The following ORC3 variants were observed in gnomAD, a reference collection of about 807,000 sequenced individuals.
ORC3 encodes the protein origin recognition complex subunit 3.
In ORC3, 78 loss-of-function variants were observed where a neutral mutation model predicts 100.7. The ratio of observed to expected loss-of-function variants is 0.77; its 90% CI spans 0.65 to 0.94. The LOEUF (loss-of-function observed/expected upper bound fraction) is 0.94. ORC3 is among the 40% of genes least tolerant of loss of function. ORC3 has a pLI of 0.00. For synonymous variants in ORC3, 295 were observed against 289.3 expected, an observed-to-expected ratio of 1.02 and a Z score of -0.20; for missense variants, 789 against 823.9, an observed-to-expected ratio of 0.96 and a Z score of 0.52.
At chr6:87,625,160 G>A (rs1779805436) in intron 11 of ORC3, among the ~76,000 whole-genome samples, 1 of 152,168 alleles carries the variant, frequency 6.6e-6, no homozygotes, top group East Asian at 1.9e-4. Context: ...AAACACACGT[G>A]TGCATGTGTC....
intron 1 of ORC3, among the ~76,000 whole-genome samples, chr6:87,592,707 C>G (rs1305306617): frequency 1.3e-5 from 2 of 152,194 alleles, no homozygotes; most frequent in Non-Finnish European, 2.9e-5. Flanking sequence ...TATAGTTGCA[C>G]AGCGGTCTTT....
intron 15 of ORC3, 31 bp from the exon 16 acceptor site, chr6:87,657,890 C>A: frequency 1.6e-6 from 2 of 1,221,090 alleles, no homozygotes; most frequent in Non-Finnish European, 2.4e-6. Context: ...GTCTGAGGAT[C>A]ACCAGAAAAG....
intron 6 of ORC3, among the ~76,000 whole-genome samples, 200 bp from the exon 7 acceptor site, chr6:87,608,896 C>T (rs1490408184): frequency 6.8e-6 from 1 of 147,716 alleles, no homozygotes; most frequent in South Asian, 2.2e-4. Flanking sequence ...TTTTACTGAA[C>T]CTTTTTCTTC....
At chr6:87,628,185 C>T (rs894722985) in intron 11 of ORC3, among the ~76,000 whole-genome samples, 8 of 152,094 alleles carry the variant, frequency 5.3e-5, no homozygotes, top group Admixed American at 3.3e-4. Flanking sequence ...GAGCACAGGT[C>T]GGAGGGAGAG....
intron 11 of ORC3, among the ~76,000 whole-genome samples, chr6:87,632,343 T>C (rs147694353): frequency 7.2e-4 from 109 of 152,376 alleles, no homozygotes; most frequent in African/African-American, 2.6e-3. Flanking sequence ...ATCTTTATTA[T>C]GTGGAGATTA....
At chr6:87,638,810 T>G (rs1188242712) in intron 13 of ORC3, among the ~76,000 whole-genome samples, 1 of 152,140 alleles carries the variant, frequency 6.6e-6, no homozygotes, top group Non-Finnish European at 1.5e-5. Context: ...ACACATTATT[T>G]TTTCACTGTA....
chr6:87,614,012 C>G (rs1352368484), intron 8 of ORC3, among the ~76,000 whole-genome samples: 1 of 152,226 alleles, frequency 6.6e-6, no homozygotes, highest in Non-Finnish European at 1.5e-5. Context: ...AGTAAGGACT[C>G]TGTGTGGGGA....
At chr6:87,655,325 A>G (rs1052673040) in intron 14 of ORC3, among the ~76,000 whole-genome samples, 1 of 150,916 alleles carries the variant, frequency 6.6e-6, no homozygotes, top group East Asian at 1.9e-4. Context: ...AGCTAGGACT[A>G]CAGAAAAGGG....
Position 87,605,891 on chromosome 6 carries a change from T to G in ORC3, c.323-26T>G. On this transcript the variant is annotated intron_variant, in intron 4 of 19. Coordinates refer to ENST00000392844, the MANE Select transcript of ORC3 (RefSeq NM_012381.4). ...AAATTATTATTAATAAAAATGGTGA[T>G]GTAATATTGATGTATTATCTCATAG... The G allele has an allele frequency of 2.7e-6, 3 of 1,101,340 alleles. No homozygotes were observed. The South Asian group carries it at 4.0e-5, about 15-fold the overall frequency. The allele number at this position is 1,101,340 out of a possible 1,614,324, so 68.2% of individuals were successfully genotyped here.
intron 11 of ORC3, among the ~76,000 whole-genome samples, chr6:87,625,942 A>T (rs946004728): frequency 1.3e-5 from 2 of 152,188 alleles, no homozygotes; most frequent in African/African-American, 4.8e-5. Context: ...TTAAATAGGG[A>T]ATCCTTTCTC....
Position 87,622,028 on chromosome 6 carries a change from G to A in ORC3, c.1185+15G>A, listed in dbSNP as rs1437309929. On this transcript the variant is annotated intron_variant, in intron 11 of 19. Coordinates refer to ENST00000392844, the MANE Select transcript of ORC3 (RefSeq NM_012381.4). ...GATATTTGAAGGTAGGAATGTGAAT[G>A]TGTTTCAGTTTCATTCTCTTTTTCC... The A allele has an allele frequency of 2.0e-5, 31 of 1,553,434 alleles. No homozygotes were observed. Among genetic ancestry groups the A allele is most frequent in the Non-Finnish European group, 2.7e-5 (30 of 1,128,786 alleles).
At position 87,590,156 on chromosome 6, in the gene ORC3, A is replaced by T. The variant is rs758610491; in HGVS notation, c.-13A>T. The T allele has an allele frequency of 5.1e-5, 82 of 1,612,924 alleles. No individual in the cohort carries two copies. Among genetic ancestry groups the T allele is most frequent in the Non-Finnish European group, 6.7e-5 (79 of 1,179,934 alleles). On this transcript the variant is annotated 5_prime_UTR_variant, in exon 1 of 20. Transcript: ENST00000392844. ...TCCCGAGTGCATCTGGAATACGCAG[A>T]GTCAGTAAGACCATGGCTACGTCCT...
At chr6:87,609,667 T>G (rs762370918) in intron 7 of ORC3, 1 of 152,564 alleles carries the variant, frequency 6.6e-6, no homozygotes. Flanking sequence ...CAATTCTGCC[T>G]CAGCCTCCTG....
chr6:87,644,351 C>G (rs1317048056), intron 13 of ORC3, among the ~76,000 whole-genome samples: 2 of 87,894 alleles, frequency 2.3e-5, no homozygotes, highest in Non-Finnish European at 4.4e-5. Context: ...CTCGGCCTCC[C>G]AAAGTGCTGG....
At chr6:87,671,159 A>G (rs991035939), downstream of ORC3, among the ~76,000 whole-genome samples, 1 of 152,176 alleles carries the variant, frequency 6.6e-6, no homozygotes, top group Non-Finnish European at 1.5e-5. Flanking sequence ...TTAGACTTTT[A>G]AAGGATCAGT....
At chr6:87,599,562 T>G (rs2128246149) in intron 2 of ORC3, among the ~76,000 whole-genome samples, 1 of 151,546 alleles carries the variant, frequency 6.6e-6, no homozygotes, top group African/African-American at 2.4e-5. Context: ...GAGATGGGGT[T>G]TCACCATGTT....
At chr6:87,675,715 C>T in the ORC3 span, 1 of 1,495,616 alleles carries the variant, frequency 6.7e-7, no homozygotes. Flanking sequence ...AACCAAAAGA[C>T]TTGCAAAGTT....
intron 11 of ORC3, 61 bp downstream of exon 11, chr6:87,622,074 A>G: frequency 1.9e-6 from 2 of 1,076,508 alleles, no homozygotes; most frequent in Non-Finnish European, 2.8e-6. Context: ...AAGAATATGC[A>G]TGTAACATTT....
At chr6:87,617,621 G>A (rs895574098) in intron 9 of ORC3, among the ~76,000 whole-genome samples, 1 of 151,880 alleles carries the variant, frequency 6.6e-6, no homozygotes, top group Non-Finnish European at 1.5e-5. Flanking sequence ...AGAGTCCCAG[G>A]TCCTCGGGAG....
Sources: allele counts gnomAD v4.1 joint callset (sites outside exome capture counted in the v4.1 genomes callset), GRCh38; gene constraint gnomAD v4.1.1; transcripts MANE v1.5; gene names NCBI Gene and HGNC (gene_info 2026-07-23, HGNC 2026-07-21).